Variants in ZNF407 observed in about 807,000 individuals in gnomAD.
ZNF407 encodes the protein zinc finger protein 407.
ZNF407 carries 17 observed loss-of-function variants against 131.2 expected under a neutral mutation model. The ratio of observed to expected loss-of-function variants is 0.13; its 90% CI spans 0.09 to 0.19. ZNF407 has a LOEUF of 0.19. Among genes scored for constraint, ZNF407 ranks in the 10% least tolerant of loss-of-function variants. The pLI, the probability that ZNF407 is intolerant of heterozygous loss-of-function variation, is 1.00. For missense variants in ZNF407, 2,681 were observed against 2,830.6 expected, an observed-to-expected ratio of 0.95 and a Z score of 1.20; for synonymous variants, 1,156 against 1,062.0, an observed-to-expected ratio of 1.09 and a Z score of -1.72.
At chr18:74,818,332 G>A (rs971034764) in intron 4 of ZNF407, among the ~76,000 whole-genome samples, 1 of 152,178 alleles carries the variant, frequency 6.6e-6, no homozygotes, top group Non-Finnish European at 1.5e-5. Flanking sequence ...ATTAAAATGA[G>A]TTGTTCTTCT....
chr18:74,870,035 C>A (rs1971065355), intron 4 of ZNF407, among the ~76,000 whole-genome samples: 1 of 152,116 alleles, frequency 6.6e-6, no homozygotes, highest in South Asian at 2.1e-4. Flanking sequence ...GAAATCAAGT[C>A]TTTGAGGGCA....
chr18:75,023,464 G>T (rs998915385), intron 8 of ZNF407, among the ~76,000 whole-genome samples: 1 of 151,966 alleles, frequency 6.6e-6, no homozygotes, highest in African/African-American at 2.4e-5. Context: ...AACTAATAAT[G>T]TATCATATAA....
intron 1 of ZNF407, among the ~76,000 whole-genome samples, chr18:74,607,658 T>C (rs1224930809): frequency 6.6e-6 from 1 of 152,192 alleles, no homozygotes; most frequent in Non-Finnish European, 1.5e-5. Flanking sequence ...TGCTAGAGTG[T>C]ATAGGAGTGA....
chr18:74,922,482 TA>T (rs575195029), intron 8 of ZNF407, among the ~76,000 whole-genome samples: 30 of 152,084 alleles, frequency 2.0e-4, no homozygotes, highest in East Asian at 1.7e-3. Context: ...TACTTATCTT[TA>T]AAAAAAAGAA....
intron 3 of ZNF407, among the ~76,000 whole-genome samples, chr18:74,766,948 G>A (rs1477649943): frequency 2.6e-5 from 4 of 152,082 alleles, no homozygotes; most frequent in African/African-American, 4.8e-5. Context: ...GTCTCACTCT[G>A]TCACTCAGGC....
rs114696145 is a variant in ZNF407, at chr18:74,611,651, A to G, written c.-54+13714A>G. ...TGCTTATATACAGCTGGTGGAAGTG[A>G]TAGGCTGCCTTTGGGAGTATCTAGT... On this transcript the variant is annotated intron_variant, in intron 1 of 8. Transcript: ENST00000299687. Among the ~76,000 whole-genome samples, 576 of 152,312 alleles carry G rather than the reference A, an allele frequency of 3.8e-3. 1 individual carries two copies. Among genetic ancestry groups the G allele is most frequent in the African/African-American group, 0.013 (546 of 41,562 alleles).
chr18:74,865,573 C>G (rs1436761587), intron 4 of ZNF407, among the ~76,000 whole-genome samples: 2 of 152,066 alleles, frequency 1.3e-5, no homozygotes, highest in African/African-American at 2.4e-5. Flanking sequence ...ATTTTGAATG[C>G]TGGAAGGTAC....
intron 8 of ZNF407, among the ~76,000 whole-genome samples, chr18:75,030,873 G>A (rs148254530): frequency 2.1e-3 from 327 of 152,272 alleles, no homozygotes; most frequent in Admixed American, 0.014. Flanking sequence ...GTTCCCAAAC[G>A]TGACAACTCA....
intron 3 of ZNF407, among the ~76,000 whole-genome samples, chr18:74,737,872 G>A (rs1968454171): frequency 6.6e-6 from 1 of 152,128 alleles, no homozygotes; most frequent in South Asian, 2.1e-4. Context: ...TATTAATCAT[G>A]AGAATCTTGC....
intron 8 of ZNF407, among the ~76,000 whole-genome samples, chr18:74,924,087 C>T (rs796929401): frequency 2.6e-5 from 4 of 152,198 alleles, no homozygotes; most frequent in African/African-American, 9.6e-5. Flanking sequence ...ATGAACCAAG[C>T]CAGTCACCAA....
rs367849841 is a variant in ZNF407, at chr18:74,622,355, A to T, written c.-53-8612A>T. Among the ~76,000 whole-genome samples the T allele has an allele frequency of 1.3e-3, 193 of 152,290 alleles. 6 individuals are homozygous for T. In the South Asian group the frequency reaches 0.039, roughly 31 times the overall value. ...AAGAAAGAGATGCGAGTGGCCCCCT[A>T]GTTTCTATTGCCTCTTACCTTGCGC... On this transcript the variant is annotated intron_variant, in intron 1 of 8. Coordinates refer to ENST00000299687, the MANE Select transcript of ZNF407 (RefSeq NM_017757.3).
At chr18:74,598,222 CCT>C in intron 1 of ZNF407, 1 of 152,710 alleles carries the variant, frequency 6.5e-6, no homozygotes, top group Non-Finnish European at 1.5e-5. Context: ...GCCGCCCTGC[CCT>C]CTCACCCGCT....
intron 8 of ZNF407, among the ~76,000 whole-genome samples, chr18:75,058,742 A>AATTTT (rs1973590653): frequency 6.6e-6 from 1 of 152,190 alleles, no homozygotes; most frequent in Non-Finnish European, 1.5e-5. Context: ...ATTTACTAGA[A>AATTTT]AGAGCTCAAA....
At chr18:74,899,044 A>G (rs933526981) in intron 7 of ZNF407, among the ~76,000 whole-genome samples, 10 of 152,196 alleles carry the variant, frequency 6.6e-5, no homozygotes, top group African/African-American at 2.4e-4. Flanking sequence ...CCTGGATTGT[A>G]GGTCACATGA....
intron 3 of ZNF407, among the ~76,000 whole-genome samples, chr18:74,711,613 C>T (rs1356086935): frequency 2.0e-5 from 3 of 152,170 alleles, no homozygotes; most frequent in Non-Finnish European, 2.9e-5. Flanking sequence ...AACTGCAGGT[C>T]TGTAAGATAA....
rs1254929024 is a variant in ZNF407 at position 74,690,138 on chromosome 18, TA to T, written c.4802+49025del. ...AGATACAGATTCATTATGCTAAACT[TA>T]AAAAAAAATTCTCCTATATATAATG... On this transcript the variant is annotated intron_variant, in intron 3 of 8. Coordinates refer to ENST00000299687, the MANE Select transcript of ZNF407 (RefSeq NM_017757.3). Among the ~76,000 whole-genome samples, 104 of 151,818 alleles carry T rather than the reference TA, an allele frequency of 6.9e-4. 1 individual carries two copies. The highest frequency in any genetic ancestry group is 6.3e-3 in the Admixed American group (96 of 15,252).
At chr18:74,849,489 A>C (rs1295503814) in intron 4 of ZNF407, among the ~76,000 whole-genome samples, 1 of 152,182 alleles carries the variant, frequency 6.6e-6, no homozygotes, top group African/African-American at 2.4e-5. Context: ...ACAGTTCCAC[A>C]GAGTATCTTC....
intron 8 of ZNF407, among the ~76,000 whole-genome samples, chr18:75,005,194 G>T (rs1412513893): frequency 6.6e-6 from 1 of 152,174 alleles, no homozygotes; most frequent in Non-Finnish European, 1.5e-5. Flanking sequence ...TCGATGAGTT[G>T]TAGATGCACA....
intron 4 of ZNF407, among the ~76,000 whole-genome samples, chr18:74,856,244 A>G (rs767791469): frequency 6.6e-6 from 1 of 152,258 alleles, no homozygotes; most frequent in Admixed American, 6.5e-5. Flanking sequence ...AATGTAAATA[A>G]TATGGAATAC....
Sources: allele counts gnomAD v4.1 joint callset (sites outside exome capture counted in the v4.1 genomes callset), GRCh38; gene constraint gnomAD v4.1.1; transcripts MANE v1.5; gene names NCBI Gene and HGNC (gene_info 2026-07-23, HGNC 2026-07-21).